ZFYVE9: variants seen among roughly 807,000 people sequenced by gnomAD.
ZFYVE9 encodes the protein zinc finger FYVE-type containing 9.
Under a neutral mutation model 126.7 loss-of-function variants are expected in ZFYVE9, and 43 were observed. The ratio of observed to expected loss-of-function variants is 0.34; its 90% confidence interval spans 0.27 to 0.44. ZFYVE9 has a LOEUF of 0.44. Ranked by LOEUF, ZFYVE9 falls within the 20% of genes least tolerant of loss-of-function variation. The pLI is 1.00. For missense variants in ZFYVE9, 1,476 were observed against 1,697.0 expected, an observed-to-expected ratio of 0.87 and a Z score of 2.29; for synonymous variants, 521 against 597.4, an observed-to-expected ratio of 0.87 and a Z score of 1.87.
intron 4 of ZFYVE9, among the ~76,000 whole-genome samples, chr1:52,246,712 T>G (rs1237091393): frequency 6.7e-6 from 1 of 148,944 alleles, no homozygotes; most frequent in Non-Finnish European, 1.5e-5. Flanking sequence ...TTTTTTTTTT[T>G]TTTTTTTTGA....
At chr1:52,337,050 A>G (rs981144447) in intron 15 of ZFYVE9, among the ~76,000 whole-genome samples, 1 of 151,788 alleles carries the variant, frequency 6.6e-6, no homozygotes, top group Non-Finnish European at 1.5e-5. Flanking sequence ...TGGCTTGGGA[A>G]TTTCTTGGGT....
At chr1:52,298,319 T>C (rs1645997580) in intron 12 of ZFYVE9, among the ~76,000 whole-genome samples, 1 of 152,200 alleles carries the variant, frequency 6.6e-6, no homozygotes, top group South Asian at 2.1e-4. Flanking sequence ...TAGTTGATTT[T>C]TGTATATGGG....
At chr1:52,154,394 A>G (rs1320023345) in intron 1 of ZFYVE9, among the ~76,000 whole-genome samples, 1 of 152,098 alleles carries the variant, frequency 6.6e-6, no homozygotes, top group Non-Finnish European at 1.5e-5. Context: ...GGTAAATGGG[A>G]GTCCATGTCT....
chr1:52,183,687 G>A (rs1296665254), intron 1 of ZFYVE9, among the ~76,000 whole-genome samples: 2 of 152,166 alleles, frequency 1.3e-5, no homozygotes, highest in East Asian at 1.9e-4. Flanking sequence ...GTGTATTTTA[G>A]TAGAGACAGG....
chr1:52,306,940 A>G (rs1646090730), intron 13 of ZFYVE9, among the ~76,000 whole-genome samples: 1 of 152,196 alleles, frequency 6.6e-6, no homozygotes, highest in East Asian at 1.9e-4. Flanking sequence ...CACCCTTGAC[A>G]GACATGGGAT....
intron 4 of ZFYVE9, among the ~76,000 whole-genome samples, chr1:52,250,424 A>G (rs1027756675): frequency 5.3e-5 from 8 of 152,136 alleles, no homozygotes; most frequent in Admixed American, 5.2e-4. Context: ...ATAATTCATT[A>G]TTAGTATGTA....
chr1:52,217,791 G>A (rs1207694587), intron 2 of ZFYVE9, among the ~76,000 whole-genome samples: 1 of 152,174 alleles, frequency 6.6e-6, no homozygotes, highest in South Asian at 2.1e-4. Flanking sequence ...CCCATCAGGG[G>A]CTGTATTATT....
At chr1:52,296,097 T>C in intron 12 of ZFYVE9, 120 bp downstream of exon 12, 2 of 717,178 alleles carry the variant, frequency 2.8e-6, no homozygotes, top group South Asian at 3.5e-5. Flanking sequence ...TAAAGATATA[T>C]GCTGAAGAAA....
intron 1 of ZFYVE9, among the ~76,000 whole-genome samples, chr1:52,149,926 A>G (rs1225526770): frequency 1.3e-5 from 2 of 152,206 alleles, no homozygotes; most frequent in African/African-American, 4.8e-5. Flanking sequence ...TAATGAAAAG[A>G]TATGCATTTC....
chr1:52,295,967 A>G lies in ZFYVE9; in HGVS notation c.3323A>G (p.Asn1108Ser). 1 of 1,613,458 alleles carries G rather than the reference A, an allele frequency of 6.2e-7. No individual in the cohort carries two copies. The highest frequency in any genetic ancestry group is 8.5e-7 in the Non-Finnish European group (1 of 1,179,672). ...GGAGAGACGGGGCATACCATCATGA[A>G]TCTTCTTGCAGTAAGTTGGGAATTT... ...LFGETGHTIMNLLADFRNYQY... is the reference protein window; with the variant it reads ...LFGETGHTIMSLLADFRNYQY... The change falls in exon 12 of 19, where the codon AAT becomes AGT. Residue 1108 changes from asparagine (N) to serine (S), a missense_variant. Physicochemically the swap from Asn to Ser is conservative, Grantham distance 46. Around this residue, in one of 2 missense-constraint regions of ZFYVE9, gnomAD observed 669 missense variants for 902.4 expected, o/e 0.74. Coordinates refer to ENST00000287727, the MANE Select transcript of ZFYVE9 (RefSeq NM_004799.4).
Position 52,250,855 on chromosome 1 carries a change from CG to C in ZFYVE9, c.2178+11261del, listed in dbSNP as rs369931394. Among the ~76,000 whole-genome samples, 24 of 151,846 alleles carry C rather than the reference CG, an allele frequency of 1.6e-4. No individual in the cohort carries two copies. The East Asian group carries it at 3.9e-3, about 25-fold the overall frequency. Reference sequence around the variant, plus strand: ...CTCCCAAGTAGCTGGGACTAACAGGCGTGCACTACCACACCTGGCTAATTTT... The same window carrying C: ...CTCCCAAGTAGCTGGGACTAACAGGCTGCACTACCACACCTGGCTAATTTT... On this transcript the variant is annotated intron_variant, in intron 4 of 18. Transcript: ENST00000287727.
intron 1 of ZFYVE9, among the ~76,000 whole-genome samples, chr1:52,193,707 CAAAAAAAAAA>C (rs771434275): frequency 1.8e-5 from 1 of 56,430 alleles, no homozygotes; most frequent in Admixed American, 2.5e-4. Context: ...AACTCTGTCT[CAAAAAAAAAA>C]AAAAAAAAAA....
At chr1:52,231,926 C>T (rs986318838) in intron 2 of ZFYVE9, among the ~76,000 whole-genome samples, 13 of 151,998 alleles carry the variant, frequency 8.6e-5, no homozygotes, top group East Asian at 1.9e-4. Flanking sequence ...GACGCCTGGC[C>T]GGGAAATACT....
At chr1:52,323,239 G>A (rs1171342344) in intron 13 of ZFYVE9, among the ~76,000 whole-genome samples, 2 of 152,150 alleles carry the variant, frequency 1.3e-5, no homozygotes, top group Non-Finnish European at 2.9e-5. Flanking sequence ...CCATGCAGTG[G>A]GATAAAAGCC....
intron 13 of ZFYVE9, among the ~76,000 whole-genome samples, chr1:52,320,777 T>C (rs1646231515): frequency 6.6e-6 from 1 of 152,202 alleles, no homozygotes; most frequent in East Asian, 1.9e-4. Flanking sequence ...GGGGGGTGAT[T>C]GCAAGTGCCT....
chr1:52,195,706 A>G (rs553510919), intron 1 of ZFYVE9, among the ~76,000 whole-genome samples: 1 of 152,300 alleles, frequency 6.6e-6, no homozygotes, highest in East Asian at 1.9e-4. Context: ...TTTTGGACAC[A>G]GAGTATTAAT....
chr1:52,319,816 C>T (rs1646221371), intron 13 of ZFYVE9, among the ~76,000 whole-genome samples: 1 of 151,236 alleles, frequency 6.6e-6, no homozygotes. Context: ...AGATCGAGAC[C>T]ATCCTGGCCA....
At chr1:52,307,528 C>T (rs906750695) in intron 13 of ZFYVE9, among the ~76,000 whole-genome samples, 14 of 151,852 alleles carry the variant, frequency 9.2e-5, no homozygotes, top group Non-Finnish European at 1.3e-4. Flanking sequence ...TGTGCCACTG[C>T]GTTCAGCCCC....
chr1:52,201,520 G>A (rs1644923147), intron 1 of ZFYVE9, among the ~76,000 whole-genome samples: 1 of 151,586 alleles, frequency 6.6e-6, no homozygotes, highest in South Asian at 2.1e-4. Flanking sequence ...GGGATTGCAG[G>A]TGTGTGCCAC....
Sources: gnomAD v4.1 joint callset for allele counts (sites outside exome capture counted in the v4.1 genomes callset) on GRCh38, gnomAD v4.1.1 for gene constraint, gnomAD v4.1.1 regional missense constraint, MANE v1.5 for transcripts, NCBI Gene and HGNC (gene_info 2026-07-23, HGNC 2026-07-21) for gene names.